COL5A2: variants seen among roughly 807,000 people sequenced by gnomAD.
The protein encoded by COL5A2 is collagen type V alpha 2 chain.
A neutral mutation model predicts 208.2 loss-of-function variants in COL5A2; 23 were observed. The ratio of observed to expected loss-of-function variants is 0.11; its 90% CI spans 0.08 to 0.16. The LOEUF (loss-of-function observed/expected upper bound fraction) is 0.16, where lower values mean the gene tolerates loss of function less well. Ranked by LOEUF, COL5A2 falls within the 10% of genes least tolerant of loss-of-function variation. COL5A2 has a pLI of 1.00. For synonymous variants in COL5A2, 625 were observed against 628.5 expected, an observed-to-expected ratio of 0.99 and a Z score of 0.08; for missense variants, 1,590 against 1,956.4, an observed-to-expected ratio of 0.81 and a Z score of 3.53.
intron 1 of COL5A2, among the ~76,000 whole-genome samples, chr2:189,143,633 G>C (rs1023570190): frequency 3.3e-5 from 5 of 152,124 alleles, no homozygotes; most frequent in Non-Finnish European, 7.4e-5. Context: ...TGAACAATCT[G>C]TTATTAAACA....
chr2:189,338,376 C>A, the COL5A2 span, among the ~76,000 whole-genome samples: 3 of 152,136 alleles, frequency 2.0e-5, no homozygotes, highest in Non-Finnish European at 4.4e-5. Context: ...TGTCTAACCC[C>A]AGCTCTCTTG....
At chr2:189,160,208 T>C (rs1688332091) in intron 1 of COL5A2, among the ~76,000 whole-genome samples, 1 of 152,150 alleles carries the variant, frequency 6.6e-6, no homozygotes, top group African/African-American at 2.4e-5. Flanking sequence ...TCATCTTTAA[T>C]CTGAGGTTCT....
chr2:189,088,557 T>A (rs200668745), intron 8 of COL5A2, 138 bp downstream of exon 8: 2 of 456,914 alleles, frequency 4.4e-6, no homozygotes, highest in Non-Finnish European at 8.0e-6. Context: ...AATAAGTTAA[T>A]TAAATGAATG....
chr2:189,134,221 G>C (rs1425173462), intron 1 of COL5A2, among the ~76,000 whole-genome samples: 1 of 152,104 alleles, frequency 6.6e-6, no homozygotes, highest in Admixed American at 6.5e-5. Flanking sequence ...TATAATCTAA[G>C]CCTGAAAATT....
At chr2:189,141,305 C>A (rs1288092248) in intron 1 of COL5A2, among the ~76,000 whole-genome samples, 1 of 152,062 alleles carries the variant, frequency 6.6e-6, no homozygotes, top group African/African-American at 2.4e-5. Flanking sequence ...TTATACAAGG[C>A]AGTTTTCAGA....
At chr2:189,091,418 A>T (rs1686781923) in intron 7 of COL5A2, among the ~76,000 whole-genome samples, 3 of 152,194 alleles carry the variant, frequency 2.0e-5, no homozygotes, top group African/African-American at 7.2e-5. Context: ...CTTATTTTTT[A>T]AATTACCATA....
At chr2:189,221,232 G>A (rs746586754) in intron 1 of COL5A2, among the ~76,000 whole-genome samples, 2 of 151,994 alleles carry the variant, frequency 1.3e-5, no homozygotes, top group Admixed American at 6.6e-5. Context: ...AAATAATTAC[G>A]GCATAAACCA....
upstream of COL5A2, chr2:189,179,810 C>T (rs911850453): frequency 6.9e-6 from 5 of 727,584 alleles, no homozygotes; most frequent in Admixed American, 1.1e-4. Flanking sequence ...AATGCTGCCT[C>T]CACTTCTTTT....
At chr2:189,213,652 G>A (rs897150659) in intron 1 of COL5A2, among the ~76,000 whole-genome samples, 6 of 152,188 alleles carry the variant, frequency 3.9e-5, no homozygotes, top group South Asian at 2.1e-4. Context: ...GAGGAGGACT[G>A]GAGAGAGAAT....
At position 189,041,671 on chromosome 2, in the gene COL5A2, G is replaced by A. The variant is rs868662780; in HGVS notation, c.3548C>T (p.Pro1183Leu). 2 of 1,614,042 alleles carry A rather than the reference G, an allele frequency of 1.2e-6. No homozygotes were observed. Among genetic ancestry groups the A allele is most frequent in the Non-Finnish European group, 1.7e-6 (2 of 1,179,908 alleles). Residue 1183 changes from proline (P) to leucine (L), a missense_variant, in exon 50 of 54, where the codon CCT becomes CTT. Coordinates refer to ENST00000374866, the MANE Select transcript of COL5A2 (RefSeq NM_000393.5). ...CCCAGGGTTTCCTTCTTTACCTGAA[G>A]GACCAACTGGGCCTGGAGGACCCTG... ...GPRGPPGPVG[P>L]SGKEGNPGPL...
chr2:189,139,018 A>C (rs565071951), intron 1 of COL5A2, among the ~76,000 whole-genome samples: 1 of 152,346 alleles, frequency 6.6e-6, no homozygotes, highest in South Asian at 2.1e-4. Context: ...CTGTATGTAC[A>C]TAGTGGCTTC....
the COL5A2 span, among the ~76,000 whole-genome samples, chr2:189,392,833 T>C: frequency 1.3e-5 from 2 of 152,176 alleles, no homozygotes; most frequent in African/African-American, 2.4e-5. Flanking sequence ...TTTAGTCTAG[T>C]GATGAATTAT....
chr2:189,373,151 C>T, the COL5A2 span, among the ~76,000 whole-genome samples: 2 of 152,180 alleles, frequency 1.3e-5, no homozygotes, highest in African/African-American at 4.8e-5. Context: ...CATTTTCTTC[C>T]CCAAAGGATG....
chr2:189,331,774 C>A, the COL5A2 span, among the ~76,000 whole-genome samples: 7 of 151,660 alleles, frequency 4.6e-5, no homozygotes, highest in Non-Finnish European at 1.0e-4. Flanking sequence ...CATGGTGAAA[C>A]CCCATCTCTA....
At chr2:189,140,067 T>C (rs1286385075) in intron 1 of COL5A2, among the ~76,000 whole-genome samples, 1 of 151,768 alleles carries the variant, frequency 6.6e-6, no homozygotes, top group Non-Finnish European at 1.5e-5. Context: ...AGAGAGACTC[T>C]ATCTCAAAAA....
chr2:189,364,939 T>C, the COL5A2 span, among the ~76,000 whole-genome samples: 1 of 152,214 alleles, frequency 6.6e-6, no homozygotes. Context: ...AAATGTACTA[T>C]GTTAATAATA....
intron 1 of COL5A2, among the ~76,000 whole-genome samples, chr2:189,168,674 T>C (rs897121203): frequency 3.9e-5 from 6 of 152,138 alleles, no homozygotes; most frequent in African/African-American, 1.4e-4. Context: ...TATAAATAAA[T>C]TGTATTTGCT....
intron 52 of COL5A2, among the ~76,000 whole-genome samples, chr2:189,035,983 T>G (rs1450734340): frequency 6.6e-6 from 1 of 152,096 alleles, no homozygotes; most frequent in African/African-American, 2.4e-5. Flanking sequence ...ATTGACTTCA[T>G]AACATTACAA....
At chr2:189,361,770 T>A in the COL5A2 span, among the ~76,000 whole-genome samples, 3 of 152,128 alleles carry the variant, frequency 2.0e-5, no homozygotes, top group Non-Finnish European at 2.9e-5. Flanking sequence ...TATTTTGGTA[T>A]ATCTATTATA....
Sources: allele counts gnomAD v4.1 joint callset (sites outside exome capture counted in the v4.1 genomes callset), GRCh38; gene constraint gnomAD v4.1.1; transcripts MANE v1.5; gene names NCBI Gene and HGNC (gene_info 2026-07-23, HGNC 2026-07-21).